Variants in BCAR3 observed in about 807,000 individuals in gnomAD.
BCAR3 encodes the protein BCAR3 adaptor protein, NSP family member, also known as breast cancer anti-estrogen resistance protein 3.
A neutral mutation model predicts 80.1 loss-of-function variants in BCAR3; 37 were observed. The observed-to-expected ratio is 0.46, with a 90% confidence interval of 0.36 to 0.61. The LOEUF (loss-of-function observed/expected upper bound fraction) is 0.61, where lower values mean the gene tolerates loss of function less well. Ranked by LOEUF, BCAR3 falls within the 20% of genes least tolerant of loss-of-function variation. The pLI, the probability that BCAR3 is intolerant of heterozygous loss-of-function variation, is 0.00. For synonymous variants in BCAR3, 389 were observed against 418.9 expected (o/e 0.93, Z 0.87); for missense variants, 978 against 1,068.2 (o/e 0.92, Z 1.18).
At chr1:93,709,776 CT>C (rs1363619983) in intron 2 of BCAR3, among the ~76,000 whole-genome samples, 1 of 152,148 alleles carries the variant, frequency 6.6e-6, no homozygotes, top group Non-Finnish European at 1.5e-5. Context: ...GGAAAAAAGT[CT>C]TTATCTGATC....
intron 1 of BCAR3, among the ~76,000 whole-genome samples, chr1:93,678,801 T>A (rs1297341054): frequency 6.6e-6 from 1 of 151,788 alleles, no homozygotes; most frequent in Non-Finnish European, 1.5e-5. Context: ...AAGGAGCCAG[T>A]CAAAAAAAGG....
At chr1:93,817,780 A>G (rs1206116183) in intron 2 of BCAR3, among the ~76,000 whole-genome samples, 1 of 152,026 alleles carries the variant, frequency 6.6e-6, no homozygotes, top group East Asian at 1.9e-4. Flanking sequence ...ACAGCTGACT[A>G]GCCCTGTTTA....
At chr1:93,699,038 C>T (rs868735359) in intron 3 of BCAR3, among the ~76,000 whole-genome samples, 5 of 152,286 alleles carry the variant, frequency 3.3e-5, no homozygotes, top group Middle Eastern at 6.8e-3. Context: ...CGCAGGGGAC[C>T]TAGCTTTTCT....
Position 93,768,269 on chromosome 1 carries a change from TTG to T in BCAR3, c.-62-62129_-62-62128del, listed in dbSNP as rs112490025. 2.4e-3 allele frequency among the ~76,000 whole-genome samples: 298 copies of T among 126,208 alleles called. 1 individual carries two copies. Among genetic ancestry groups the T allele is most frequent in the Non-Finnish European group, 3.7e-3 (220 of 60,196 alleles). The allele number at this position is 126,208 out of a possible 152,430, so 82.8% of individuals were successfully genotyped here. On this transcript the variant is annotated intron_variant, in intron 2 of 13. Transcript: ENST00000370244. Reference sequence around the variant, plus strand: ...AAAGACTGAGTGAATGTGTGTGTGTTTGTGTGTGTGTGTGTGTGTGTACAACA... The same window carrying T: ...AAAGACTGAGTGAATGTGTGTGTGTTTGTGTGTGTGTGTGTGTGTACAACA...
intron 2 of BCAR3, among the ~76,000 whole-genome samples, chr1:93,772,847 G>A (rs1571116053): frequency 6.6e-6 from 1 of 151,988 alleles, no homozygotes; most frequent in Non-Finnish European, 1.5e-5. Flanking sequence ...CTCTTGATCC[G>A]CCCACCTCAG....
chr1:93,777,566 C>T (rs1354881335), intron 2 of BCAR3, among the ~76,000 whole-genome samples: 1 of 151,664 alleles, frequency 6.6e-6, no homozygotes, highest in Non-Finnish European at 1.5e-5. Flanking sequence ...CCTCCACGGG[C>T]ATGCACCACT....
chr1:93,721,509 C>A (rs763815139), intron 2 of BCAR3, among the ~76,000 whole-genome samples: 1 of 152,094 alleles, frequency 6.6e-6, no homozygotes, highest in Non-Finnish European at 1.5e-5. Context: ...CCTGGGAATG[C>A]GACGGAACTT....
intron 2 of BCAR3, among the ~76,000 whole-genome samples, chr1:93,667,823 G>A (rs764880403): frequency 3.3e-5 from 5 of 152,228 alleles, no homozygotes; most frequent in Non-Finnish European, 7.3e-5. Flanking sequence ...TGTGGCTCAG[G>A]CCGGTCTGGC....
chr1:93,754,191 T>C (rs1651670127), intron 2 of BCAR3: 1 of 152,246 alleles, frequency 6.6e-6, no homozygotes, highest in Non-Finnish European at 1.5e-5. Context: ...TGAGGCTGGA[T>C]GAAATTCTGC....
At chr1:93,841,522 T>C (rs1440542575) in intron 2 of BCAR3, among the ~76,000 whole-genome samples, 1 of 152,234 alleles carries the variant, frequency 6.6e-6, no homozygotes, top group Non-Finnish European at 1.5e-5. Flanking sequence ...TGAGCCCTAC[T>C]AGGCTTGGAA....
At chr1:93,568,886 G>A (rs536617161) in intron 9 of BCAR3, among the ~76,000 whole-genome samples, 3 of 152,122 alleles carry the variant, frequency 2.0e-5, no homozygotes, top group African/African-American at 7.2e-5. Context: ...GCAGTGGTGC[G>A]ATCACAGCTC....
chr1:93,801,585 G>A (rs1653481344), intron 2 of BCAR3, among the ~76,000 whole-genome samples: 1 of 152,210 alleles, frequency 6.6e-6, no homozygotes, highest in South Asian at 2.1e-4. Context: ...GAGGTCTTAG[G>A]AAATATCAGG....
chr1:93,667,180 G>A (rs980999052), intron 2 of BCAR3, among the ~76,000 whole-genome samples: 1 of 152,208 alleles, frequency 6.6e-6, no homozygotes, highest in African/African-American at 2.4e-5. Context: ...CGGCTACGTC[G>A]ACATCCCAGC....
rs566442330 is a variant in BCAR3 at position 93,808,739 on chromosome 1, T to C, written c.-63+36828A>G. Among the ~76,000 whole-genome samples the C allele has an allele frequency of 1.3e-5, 2 of 152,244 alleles. 1 individual carries two copies. Among genetic ancestry groups the C allele is most frequent in the African/African-American group, 4.8e-5 (2 of 41,554 alleles). ...AAAAAAAATAGCTTGATTAAAAGCATGGAAAACATGATATGAGGATAAGAT... is the reference window on the plus strand; with the variant it reads ...AAAAAAAATAGCTTGATTAAAAGCACGGAAAACATGATATGAGGATAAGAT... On this transcript the variant is annotated intron_variant, in intron 2 of 13. Transcript: ENST00000370244.
At chr1:93,614,400 A>C (rs1160184760) in intron 3 of BCAR3, among the ~76,000 whole-genome samples, 1 of 152,068 alleles carries the variant, frequency 6.6e-6, no homozygotes, top group Non-Finnish European at 1.5e-5. Flanking sequence ...CAGAGGTTTA[A>C]GGAAGCAGGG....
intron 3 of BCAR3, among the ~76,000 whole-genome samples, chr1:93,689,163 T>A (rs1649079585): frequency 6.6e-6 from 1 of 151,936 alleles, no homozygotes; most frequent in Admixed American, 6.6e-5. Flanking sequence ...GAGCTCCCAG[T>A]GCTGTGGGAA....
chr1:93,625,119 G>A lies in BCAR3; in HGVS notation c.357+17185C>T, dbSNP rs537222814. 1.2e-3 allele frequency among the ~76,000 whole-genome samples: 186 copies of A among 152,322 alleles called. 1 individual carries two copies. The highest frequency in any genetic ancestry group is 1.7e-3 in the Non-Finnish European group (119 of 68,022). Reference sequence around the variant, plus strand: ...CCAGCTACTCGGGAGGCTGAGGCAGGAGAATGGCGTGAACCCAGGAGGCAG... The same window carrying A: ...CCAGCTACTCGGGAGGCTGAGGCAGAAGAATGGCGTGAACCCAGGAGGCAG... On this transcript the variant is annotated intron_variant, in intron 3 of 11. Transcript: ENST00000260502.
chr1:93,696,577 C>T (rs1649415445), intron 3 of BCAR3, among the ~76,000 whole-genome samples: 1 of 152,120 alleles, frequency 6.6e-6, no homozygotes, highest in African/African-American at 2.4e-5. Flanking sequence ...CCATCCTGCC[C>T]TTCTCCATTC....
Position 93,567,316 on chromosome 1 carries a change from T to C in BCAR3, c.2262A>G (p.Ala754=). ...TCTCAGCATTCATCCGGTAGCTGTC[T>C]GCAGCCTCGGCCATGAATCGCGCTG... The part of the protein sequence containing the change: ...LATARFMAEA[A]DSYRMNAERI... The change falls in exon 11 of 12, where the codon GCA becomes GCG. Residue 754 remains alanine (A), a synonymous_variant. Transcript: ENST00000260502. 1 of 1,614,210 alleles carries C rather than the reference T, an allele frequency of 6.2e-7. No homozygotes were observed. The highest frequency in any genetic ancestry group is 1.1e-5 in the South Asian group (1 of 91,088).
Sources: allele counts gnomAD v4.1 joint callset (sites outside exome capture counted in the v4.1 genomes callset), GRCh38; gene constraint gnomAD v4.1.1; transcripts MANE v1.5; gene names NCBI Gene and HGNC (gene_info 2026-07-23, HGNC 2026-07-21).